The following CRB1 variants were observed in gnomAD, a reference collection of about 807,000 sequenced individuals.
The protein encoded by CRB1 is protein crumbs homolog 1.
Under a neutral mutation model 120.0 loss-of-function variants are expected in CRB1, and 83 were observed. The ratio of observed to expected loss-of-function variants is 0.69; its 90% CI spans 0.58 to 0.83. The LOEUF is 0.83. CRB1 is among the 40% of genes least tolerant of loss of function. CRB1 has a pLI of 0.00. For missense variants in CRB1, 1,699 were observed against 1,687.6 expected, an observed-to-expected ratio of 1.01 and a Z score of -0.12; for synonymous variants, 625 against 612.5, an observed-to-expected ratio of 1.02 and a Z score of -0.30.
At chr1:197,395,795 C>T (rs1662742036) in intron 5 of CRB1, among the ~76,000 whole-genome samples, 1 of 152,082 alleles carries the variant, frequency 6.6e-6, no homozygotes, top group Admixed American at 6.6e-5. Flanking sequence ...TAACAAAACT[C>T]AACATTCATA....
chr1:197,420,120 A>C (rs1362497573), intron 5 of CRB1, among the ~76,000 whole-genome samples: 1 of 152,100 alleles, frequency 6.6e-6, no homozygotes, highest in African/African-American at 2.4e-5. Context: ...TGCTTTGAAA[A>C]CCTCAGAAAA....
At chr1:197,435,644 T>A (rs189407124) in intron 9 of CRB1, 32 bp downstream of exon 9, 1 of 1,570,772 alleles carries the variant, frequency 6.4e-7, no homozygotes, top group Admixed American at 1.7e-5. Context: ...AGCTTGGTCT[T>A]TGAAGCTATA....
chr1:197,466,713 T>A (rs1344346170), intron 11 of CRB1, among the ~76,000 whole-genome samples: 1 of 152,196 alleles, frequency 6.6e-6, no homozygotes, highest in East Asian at 1.9e-4. Context: ...TGAAGGGATA[T>A]GTGATAAGCC....
At chr1:197,216,841 A>G in the CRB1 span, among the ~76,000 whole-genome samples, 7 of 152,312 alleles carry the variant, frequency 4.6e-5, no homozygotes, top group African/African-American at 1.2e-4. Context: ...CATTTACTCT[A>G]TGATCTTCAG....
chr1:197,251,018 T>C, the CRB1 span, among the ~76,000 whole-genome samples: 2 of 152,082 alleles, frequency 1.3e-5, no homozygotes, highest in South Asian at 2.1e-4. Flanking sequence ...AATGTAGTTA[T>C]AGCCATTTTT....
intron 5 of CRB1, among the ~76,000 whole-genome samples, chr1:197,413,529 T>C (rs1367900433): frequency 1.3e-5 from 2 of 152,248 alleles, no homozygotes; most frequent in African/African-American, 2.4e-5. Flanking sequence ...GCATTTCCTT[T>C]GTTGTAAAGC....
chr1:197,266,369 A>G (rs2125192013), upstream of CRB1, among the ~76,000 whole-genome samples: 1 of 152,146 alleles, frequency 6.6e-6, no homozygotes, highest in South Asian at 2.1e-4. Context: ...AAACTCCCTC[A>G]GGCCTCTTTT....
chr1:197,351,075 C>G (rs1660063607), intron 4 of CRB1, among the ~76,000 whole-genome samples: 1 of 151,236 alleles, frequency 6.6e-6, no homozygotes, highest in Non-Finnish European at 1.5e-5. Context: ...GGCGCCTTGG[C>G]TCACACCTGT....
intron 10 of CRB1, chr1:197,439,616 A>G (rs1472054317): frequency 6.6e-6 from 1 of 152,078 alleles, no homozygotes; most frequent in Non-Finnish European, 1.5e-5. Flanking sequence ...TTTTTTAATG[A>G]GAAAGGTGTT....
At chr1:197,382,987 C>A (rs541939708) in intron 5 of CRB1, among the ~76,000 whole-genome samples, 5 of 152,266 alleles carry the variant, frequency 3.3e-5, no homozygotes, top group Non-Finnish European at 7.4e-5. Context: ...TCTTCTAAAA[C>A]AGAAGTACAA....
At chr1:197,436,517 C>A (rs764298746) in intron 9 of CRB1, among the ~76,000 whole-genome samples, 23 of 151,828 alleles carry the variant, frequency 1.5e-4, no homozygotes, top group South Asian at 4.2e-4. Context: ...ATAAAATAAA[C>A]ATGTTTTAAT....
intron 11 of CRB1, chr1:197,444,640 G>C (rs907230556): frequency 5.9e-5 from 9 of 152,098 alleles, no homozygotes; most frequent in Admixed American, 4.6e-4. Context: ...CAATTCTGAT[G>C]CCTCTGTTGT....
chr1:197,291,480 T>A (rs1211379482), intron 1 of CRB1, among the ~76,000 whole-genome samples: 1 of 151,876 alleles, frequency 6.6e-6, no homozygotes, highest in Non-Finnish European at 1.5e-5. Flanking sequence ...ATACTCAAAG[T>A]AGCTTCAAAT....
chr1:197,295,731 A>G lies in CRB1; in HGVS notation c.70+27249A>G, dbSNP rs1656479459. On this transcript the variant is annotated intron_variant, in intron 1 of 11. Transcript: ENST00000367400. The stretch of plus-strand genomic sequence containing the variant: ...ATGATTAAGATTTGTTAATGGAGAT[A>G]TTTGTCAGACTGTACAAGATTGTGA... Among the ~76,000 whole-genome samples the G allele has an allele frequency of 1.3e-5, 2 of 152,020 alleles. 1 individual carries two copies. Among genetic ancestry groups the G allele is most frequent in the South Asian group, 4.1e-4 (2 of 4,830 alleles).
At chr1:197,299,009 A>T (rs1376717842) in intron 1 of CRB1, among the ~76,000 whole-genome samples, 2 of 152,144 alleles carry the variant, frequency 1.3e-5, no homozygotes, top group Non-Finnish European at 2.9e-5. Flanking sequence ...GATAAATTCA[A>T]TTACATTAAA....
At chr1:197,250,613 G>T in the CRB1 span, among the ~76,000 whole-genome samples, 2 of 152,168 alleles carry the variant, frequency 1.3e-5, no homozygotes, top group African/African-American at 4.8e-5. Flanking sequence ...TAGGGGCGTA[G>T]AGAGGGGGCT....
intron 5 of CRB1, among the ~76,000 whole-genome samples, chr1:197,406,887 T>C (rs768659540): frequency 1.3e-5 from 2 of 152,160 alleles, no homozygotes; most frequent in Non-Finnish European, 2.9e-5. Flanking sequence ...CAACTAAAGG[T>C]AGGTGGTGCA....
chr1:197,358,661 T>C (rs775016860), intron 5 of CRB1, among the ~76,000 whole-genome samples: 1 of 152,194 alleles, frequency 6.6e-6, no homozygotes, highest in Non-Finnish European at 1.5e-5. Flanking sequence ...TTTCCCCCGC[T>C]TCAAAATGTT....
At chr1:197,335,237 G>A (rs1659085246) in intron 2 of CRB1, among the ~76,000 whole-genome samples, 1 of 152,188 alleles carries the variant, frequency 6.6e-6, no homozygotes, top group Non-Finnish European at 1.5e-5. Flanking sequence ...CAGACTGTTT[G>A]GGACCTTGTA....
Sources: allele counts gnomAD v4.1 joint callset (sites outside exome capture counted in the v4.1 genomes callset), GRCh38; gene constraint gnomAD v4.1.1; transcripts MANE v1.5; gene names NCBI Gene and HGNC (gene_info 2026-07-23, HGNC 2026-07-21).